GRIK2: variants seen among roughly 807,000 people sequenced by gnomAD.
The protein encoded by GRIK2 is glutamate ionotropic receptor kainate type subunit 2.
In GRIK2, 32 loss-of-function variants were observed where a neutral mutation model predicts 100.3. The ratio of observed to expected loss-of-function variants is 0.32; its 90% CI spans 0.24 to 0.43. The LOEUF (loss-of-function observed/expected upper bound fraction) is 0.43, where lower values mean the gene tolerates loss of function less well. GRIK2 is among the 20% of genes least tolerant of loss of function. GRIK2 has a pLI of 1.00. For synonymous variants in GRIK2, 417 were observed against 389.4 expected (o/e 1.07, Z -0.83); for missense variants, 843 against 1,114.9 (o/e 0.76, Z 3.47).
At chr6:101,550,465 G>A (rs1429300926) in intron 2 of GRIK2, among the ~76,000 whole-genome samples, 2 of 152,110 alleles carry the variant, frequency 1.3e-5, no homozygotes, top group East Asian at 1.9e-4. Context: ...GTTTAATTAT[G>A]TCTATTGTTC....
chr6:101,532,739 A>G (rs927717483), intron 2 of GRIK2, among the ~76,000 whole-genome samples: 9 of 151,796 alleles, frequency 5.9e-5, no homozygotes, highest in Admixed American at 1.3e-4. Context: ...CTTAAAAAGA[A>G]TCTCAGAGTC....
chr6:101,932,837 C>T (rs985615585), intron 14 of GRIK2, among the ~76,000 whole-genome samples: 6 of 151,920 alleles, frequency 3.9e-5, no homozygotes, highest in Admixed American at 2.0e-4. Context: ...CTTTATTTAT[C>T]TTCCAAGTCA....
At chr6:101,664,560 G>C (rs1769869408) in intron 4 of GRIK2, among the ~76,000 whole-genome samples, 1 of 152,226 alleles carries the variant, frequency 6.6e-6, no homozygotes, top group South Asian at 2.1e-4. Context: ...GAAGCCAAAA[G>C]GTTTTAGCCT....
chr6:102,001,698 A>T (rs1186806488), intron 14 of GRIK2, among the ~76,000 whole-genome samples: 1 of 151,988 alleles, frequency 6.6e-6, no homozygotes, highest in East Asian at 1.9e-4. Flanking sequence ...TATCTTTTCC[A>T]GTCTGGTCGT....
chr6:101,655,775 ACTAT>A (rs1490296793), intron 4 of GRIK2, among the ~76,000 whole-genome samples: 41 of 152,276 alleles, frequency 2.7e-4, no homozygotes, highest in African/African-American at 9.4e-4. Context: ...ACAATGTATA[ACTAT>A]CTAAATGTGC....
At chr6:101,581,958 C>T (rs1299036147) in intron 2 of GRIK2, among the ~76,000 whole-genome samples, 1 of 152,042 alleles carries the variant, frequency 6.6e-6, no homozygotes, top group Non-Finnish European at 1.5e-5. Context: ...CCCCACATGT[C>T]AAGGGTAGGA....
intron 2 of GRIK2, among the ~76,000 whole-genome samples, chr6:101,491,283 A>AAC (rs1395500182): frequency 1.3e-5 from 2 of 151,064 alleles, no homozygotes; most frequent in Non-Finnish European, 3.0e-5. Flanking sequence ...AGAAAAAAAA[A>AAC]AAAAACCCAA....
intron 2 of GRIK2, among the ~76,000 whole-genome samples, chr6:101,498,403 A>C (rs1488047007): frequency 6.6e-6 from 1 of 152,050 alleles, no homozygotes; most frequent in Non-Finnish European, 1.5e-5. Context: ...TGGCTGGGTC[A>C]AATGGTATTT....
intron 2 of GRIK2, among the ~76,000 whole-genome samples, chr6:101,426,888 C>A (rs369790115): frequency 6.6e-6 from 1 of 152,122 alleles, no homozygotes; most frequent in South Asian, 2.1e-4. Flanking sequence ...CCCTTTCCAG[C>A]GGTCCTCTGT....
At chr6:101,676,947 C>T (rs1770884505) in intron 5 of GRIK2, 143 bp downstream of exon 5, 1 of 550,850 alleles carries the variant, frequency 1.8e-6, no homozygotes, top group African/African-American at 2.0e-5. Flanking sequence ...CTGACAATTG[C>T]TTTTAATTAA....
intron 2 of GRIK2, among the ~76,000 whole-genome samples, chr6:101,496,547 C>T (rs1773458340): frequency 6.6e-6 from 1 of 152,072 alleles, no homozygotes; most frequent in Non-Finnish European, 1.5e-5. Context: ...TATATTTTGT[C>T]AACAATGATT....
At chr6:101,821,818 T>C (rs938863917) in intron 10 of GRIK2, among the ~76,000 whole-genome samples, 15 of 152,246 alleles carry the variant, frequency 9.9e-5, no homozygotes, top group Non-Finnish European at 1.8e-4. Context: ...TTTTGATTGA[T>C]GTTATGATTA....
chr6:101,457,622 G>T (rs563951485), intron 2 of GRIK2, among the ~76,000 whole-genome samples: 33 of 151,946 alleles, frequency 2.2e-4, no homozygotes, highest in Non-Finnish European at 4.3e-4. Context: ...ATAATCTATA[G>T]CCTATTGAAA....
At chr6:101,638,833 A>G (rs77154814) in intron 4 of GRIK2, among the ~76,000 whole-genome samples, 2 of 151,860 alleles carry the variant, frequency 1.3e-5, no homozygotes, top group Non-Finnish European at 2.9e-5. Context: ...AAAAAAAAAA[A>G]TTAATTAGCT....
chr6:101,807,759 T>G (rs1781095465), intron 9 of GRIK2, among the ~76,000 whole-genome samples: 1 of 151,918 alleles, frequency 6.6e-6, no homozygotes, highest in Non-Finnish European at 1.5e-5. Context: ...GAATCCTGAT[T>G]GTTTTGGGTA....
At chr6:101,608,517 C>T (rs1779532434) in intron 2 of GRIK2, among the ~76,000 whole-genome samples, 2 of 151,766 alleles carry the variant, frequency 1.3e-5, no homozygotes, top group African/African-American at 2.4e-5. Flanking sequence ...TACAAAATTG[C>T]TTGCTCAAAG....
chr6:101,997,411 G>T (rs1794707828), intron 14 of GRIK2, among the ~76,000 whole-genome samples: 1 of 151,802 alleles, frequency 6.6e-6, no homozygotes, highest in Non-Finnish European at 1.5e-5. Context: ...CTTTTAATAT[G>T]CATCTTTGGT....
intron 2 of GRIK2, 101 bp from the exon 3 acceptor site, chr6:101,621,848 C>A (rs1780179197): frequency 2.6e-6 from 2 of 779,298 alleles, no homozygotes; most frequent in African/African-American, 1.7e-5. Context: ...AATGCACTTG[C>A]ACATATATAA....
intron 7 of GRIK2, among the ~76,000 whole-genome samples, chr6:101,797,962 A>AT (rs1317557191): frequency 6.6e-6 from 1 of 150,460 alleles, no homozygotes; most frequent in Non-Finnish European, 1.5e-5. Context: ...TCAAAACATG[A>AT]TTTTTTAGTG....
Sources: gnomAD v4.1 joint callset for allele counts (sites outside exome capture counted in the v4.1 genomes callset) on GRCh38, gnomAD v4.1.1 for gene constraint, MANE v1.5 for transcripts, NCBI Gene and HGNC (gene_info 2026-07-23, HGNC 2026-07-21) for gene names.